The following ADGRA3 variants were observed in gnomAD, a reference collection of about 807,000 sequenced individuals.
ADGRA3 encodes adhesion G protein-coupled receptor A3, also known as G-protein coupled receptor 125.
A neutral mutation model predicts 119.8 loss-of-function variants in ADGRA3; 56 were observed. That is an observed-to-expected ratio of 0.47 (90% CI 0.38 to 0.58). The LOEUF (loss-of-function observed/expected upper bound fraction) is 0.58. ADGRA3 is among the 20% of genes least tolerant of loss of function. ADGRA3 has a pLI of 0.00. For synonymous variants in ADGRA3, 607 were observed against 623.8 expected, an observed-to-expected ratio of 0.97 and a Z score of 0.40; for missense variants, 1,516 against 1,649.0, an observed-to-expected ratio of 0.92 and a Z score of 1.40.
chr4:22,413,938 C>T, intron 12 of ADGRA3, 124 bp from the exon 13 acceptor site: 1 of 597,062 alleles, frequency 1.7e-6, no homozygotes. Context: ...ATTGGATATA[C>T]AAAATTTAAC....
intron 4 of ADGRA3, among the ~76,000 whole-genome samples, chr4:22,447,715 G>T (rs1233082171): frequency 6.6e-6 from 1 of 152,106 alleles, no homozygotes; most frequent in Non-Finnish European, 1.5e-5. Context: ...ACACAAAGTA[G>T]TAAATACAAT....
intron 1 of ADGRA3, among the ~76,000 whole-genome samples, chr4:22,512,068 T>TG (rs1719468763): frequency 2.7e-4 from 1 of 3,726 alleles, no homozygotes; most frequent in Non-Finnish European, 1.3e-3. Context: ...ATCCAGCTAA[T>TG]ATCTGTATTT....
At position 22,445,108 on chromosome 4, in the gene ADGRA3, A is replaced by G; in HGVS notation, c.571T>C (p.Cys191Arg). ...SLEFQTEYLL[C>R]DCNILWMHRW... Reference sequence around the variant, plus strand: ...TGCATCCACAGTATGTTACAGTCACACAAAAGATACTCAGTCTGGAATTCC... The same window carrying G: ...TGCATCCACAGTATGTTACAGTCACGCAAAAGATACTCAGTCTGGAATTCC... Residue 191 changes from cysteine (C) to arginine (R), a missense_variant, in exon 6 of 19, where the codon TGT (cysteine) becomes CGT (arginine). Around this residue, in one of 2 missense-constraint regions of ADGRA3, gnomAD observed 428 missense variants for 541.9 expected, o/e 0.79. Transcript: ENST00000334304. The G allele has an allele frequency of 6.2e-7, 1 of 1,613,940 alleles. No individual in the cohort carries two copies. The highest frequency in any genetic ancestry group is 8.5e-7 in the Non-Finnish European group (1 of 1,179,840).
chr4:22,402,495 AAATACT>A (rs2109008349), intron 15 of ADGRA3, among the ~76,000 whole-genome samples, 174 bp downstream of exon 15: 2 of 152,268 alleles, frequency 1.3e-5, no homozygotes, highest in South Asian at 4.1e-4. Context: ...TTATCATCTC[AAATACT>A]AATTATTTAT....
chr4:22,484,901 C>A (rs116653143), intron 1 of ADGRA3, among the ~76,000 whole-genome samples: 1,564 of 152,164 alleles, frequency 0.01, 23 homozygotes, highest in African/African-American at 0.036. Flanking sequence ...TGCTCCTTAG[C>A]CAGATATTCC....
intron 10 of ADGRA3, among the ~76,000 whole-genome samples, chr4:22,428,491 T>C (rs1716031259): frequency 6.6e-6 from 1 of 152,202 alleles, no homozygotes; most frequent in Admixed American, 6.5e-5. Flanking sequence ...AAAAGAATAC[T>C]TTTGTTCATT....
At chr4:22,453,608 T>TAGAC (rs1312348280) in intron 4 of ADGRA3, among the ~76,000 whole-genome samples, 2 of 152,196 alleles carry the variant, frequency 1.3e-5, no homozygotes, top group Non-Finnish European at 2.9e-5. Flanking sequence ...GAACCACAAG[T>TAGAC]AGACAACCCT....
intron 3 of ADGRA3, among the ~76,000 whole-genome samples, chr4:22,457,749 A>G (rs908160239): frequency 6.6e-6 from 1 of 152,182 alleles, no homozygotes. Flanking sequence ...AGAATCTAAG[A>G]TAGTCTGCAG....
chr4:22,482,785 C>CA (rs1182615636), intron 1 of ADGRA3, among the ~76,000 whole-genome samples: 3 of 152,208 alleles, frequency 2.0e-5, no homozygotes, highest in Non-Finnish European at 4.4e-5. Context: ...GACTAAATGG[C>CA]AGAGTTAACA....
chr4:22,466,614 C>T (rs888079569), intron 2 of ADGRA3, among the ~76,000 whole-genome samples: 5 of 152,070 alleles, frequency 3.3e-5, no homozygotes, highest in African/African-American at 1.2e-4. Context: ...GTAGTCCCAG[C>T]TACTCAGGAG....
intron 2 of ADGRA3, among the ~76,000 whole-genome samples, chr4:22,470,265 C>T (rs1445650599): frequency 6.6e-6 from 1 of 150,768 alleles, no homozygotes; most frequent in Non-Finnish European, 1.5e-5. Context: ...AAGACACCAT[C>T]AGGATTTAGT....
chr4:22,445,114 G>C lies in ADGRA3; in HGVS notation c.565C>G (p.Leu189Val), dbSNP rs1290029021. ...CACAGTATGTTACAGTCACACAAAA[G>C]ATACTCAGTCTGGAATTCCCTGTAA... ...LRSLEFQTEYLLCDCNILWMH... is the reference protein window; with the variant it reads ...LRSLEFQTEYVLCDCNILWMH... Residue 189 changes from leucine to valine, a missense_variant, in exon 6 of 19, where the codon CTT becomes GTT. By Grantham distance (32) the Leu-to-Val change is conservative. Transcript: ENST00000334304. The C allele has an allele frequency of 6.2e-7, 1 of 1,613,786 alleles. No individual in the cohort carries two copies. Among genetic ancestry groups the C allele is most frequent in the Non-Finnish European group, 8.5e-7 (1 of 1,179,764 alleles).
intron 16 of ADGRA3, 94 bp downstream of exon 16, chr4:22,401,337 A>T: frequency 9.2e-7 from 1 of 1,084,554 alleles, no homozygotes; most frequent in South Asian, 2.0e-5. Context: ...GTTAAAGAAA[A>T]GGTATTAAAG....
intron 1 of ADGRA3, among the ~76,000 whole-genome samples, chr4:22,502,049 C>T (rs1719064864): frequency 6.6e-6 from 1 of 152,122 alleles, no homozygotes; most frequent in South Asian, 2.1e-4. Flanking sequence ...TGGATGACAC[C>T]TATTTCCAGG....
Position 22,392,681 on chromosome 4 carries a change from T to G in ADGRA3, c.2491A>C (p.Ile831Leu). The G allele has an allele frequency of 6.2e-7, 1 of 1,612,366 alleles. No individual in the cohort carries two copies. The highest frequency in any genetic ancestry group is 8.5e-7 in the Non-Finnish European group (1 of 1,179,384). Residue 831 changes from isoleucine to leucine, a missense_variant, in exon 17 of 19, where the codon ATT becomes CTT. This residue lies in a region of ADGRA3 where 1,088 missense variants were observed against 1,107.1 expected (regional missense o/e 0.98). Coordinates refer to ENST00000334304, the MANE Select transcript of ADGRA3 (RefSeq NM_145290.4). ...GTGGCAAGGGTGGAATAGTGAAGAATTATCCCAACCTACAAGGAAGATCAA... is the reference window on the plus strand; with the variant it reads ...GTGGCAAGGGTGGAATAGTGAAGAAGTATCCCAACCTACAAGGAAGATCAA... Reference protein sequence around the residue: ...NASICQAVGIILHYSTLATVL... With the variant: ...NASICQAVGILLHYSTLATVL...
chr4:22,441,442 C>T lies in ADGRA3; in HGVS notation c.920+1208G>A, dbSNP rs188424630. Among the ~76,000 whole-genome samples the T allele has an allele frequency of 1.2e-4, 18 of 152,264 alleles. No homozygotes were observed. In the Middle Eastern group the frequency reaches 0.014, roughly 115 times the overall value. On this transcript the variant is annotated intron_variant, in intron 7 of 18. Coordinates refer to ENST00000334304, the MANE Select transcript of ADGRA3 (RefSeq NM_145290.4). ...CTTTTTCTTCAATGGCCAGACAGTA[C>T]ATATTTTAGGCTTTGCTGGCTACGA...
chr4:22,423,828 C>T (rs374161877), intron 11 of ADGRA3, among the ~76,000 whole-genome samples: 19 of 152,272 alleles, frequency 1.2e-4, no homozygotes, highest in African/African-American at 4.6e-4. Flanking sequence ...CAATAGTGTT[C>T]TTATTTTCCA....
At chr4:22,453,970 C>T (rs537672450) in intron 4 of ADGRA3, among the ~76,000 whole-genome samples, 7 of 152,138 alleles carry the variant, frequency 4.6e-5, no homozygotes, top group Admixed American at 2.0e-4. Flanking sequence ...AAGCAATTCT[C>T]GTGACTCAGC....
In ADGRA3 at chr4:22,515,731, C is replaced by CA. The variant is rs1719641668; in HGVS notation, c.53_54insT (p.Leu19AlafsTer72). 1 of 1,048,930 alleles carries CA rather than the reference C, an allele frequency of 9.5e-7. No individual in the cohort carries two copies. Among genetic ancestry groups the CA allele is most frequent in the Non-Finnish European group, 1.1e-6 (1 of 876,078 alleles). The allele number at this position is 1,048,930 out of a possible 1,614,324, so 65.0% of individuals were successfully genotyped here. A position where few individuals can be genotyped will look rare whatever the true frequency, so the allele number is the denominator to read the frequency against. The stretch of plus-strand genomic sequence containing the variant: ...GCGCGAGCAGCGCTAACAGCGAGAG[C>CA]GGCAGCAACAGCGGCGGCTGCGCGC... On this transcript the variant is annotated frameshift_variant, in exon 1 of 19. Transcript: ENST00000334304. LOFTEE classifies it high-confidence loss of function.
Sources: gnomAD v4.1 joint callset for allele counts (sites outside exome capture counted in the v4.1 genomes callset) on GRCh38, gnomAD v4.1.1 for gene constraint, gnomAD v4.1.1 regional missense constraint, MANE v1.5 for transcripts, NCBI Gene and HGNC (gene_info 2026-07-23, HGNC 2026-07-21) for gene names.